The following KAT8 variants were observed in gnomAD, a reference collection of about 807,000 sequenced individuals.
The protein encoded by KAT8 is lysine acetyltransferase 8.
KAT8 carries 40 observed loss-of-function variants against 62.9 expected under a neutral mutation model. The ratio of observed to expected loss-of-function variants is 0.64; its 90% CI spans 0.49 to 0.83. The LOEUF (loss-of-function observed/expected upper bound fraction) is 0.83, where lower values mean the gene tolerates loss of function less well. Among genes scored for constraint, KAT8 ranks in the 40% least tolerant of loss-of-function variants. The pLI is 0.00. For missense variants in KAT8, 387 were observed against 614.8 expected, an observed-to-expected ratio of 0.63 and a Z score of 3.92; for synonymous variants, 278 against 254.5, an observed-to-expected ratio of 1.09 and a Z score of -0.88.
At chr16:31,128,544 CAAA>C (rs879752658) in intron 6 of KAT8, among the ~76,000 whole-genome samples, 2 of 140,958 alleles carry the variant, frequency 1.4e-5, no homozygotes, top group African/African-American at 5.2e-5. Context: ...GAATCTGTCT[CAAA>C]AAAAAAAAAG....
chr16:31,126,759 G>A (rs1436662471), intron 3 of KAT8: 2 of 443,516 alleles, frequency 4.5e-6, no homozygotes, highest in Non-Finnish European at 4.0e-6. Context: ...TGCAGCTGAA[G>A]CCCCATCCTG....
At chr16:31,118,083 C>T (rs1342600454) in intron 1 of KAT8, 191 bp downstream of exon 1, 7 of 434,758 alleles carry the variant, frequency 1.6e-5, no homozygotes, top group Non-Finnish European at 2.4e-5. Flanking sequence ...AGGCTGTTGA[C>T]CTTGAATTAT....
chr16:31,117,843 G>T lies in KAT8; in HGVS notation c.162G>T (p.Thr54=). The T allele has an allele frequency of 1.4e-6, 2 of 1,439,782 alleles. No homozygotes were observed. The highest frequency in any genetic ancestry group is 1.8e-6 in the Non-Finnish European group (2 of 1,086,878). The allele number at this position is 1,439,782 out of a possible 1,614,324, so 89.2% of individuals were successfully genotyped here. A position where few individuals can be genotyped will look rare whatever the true frequency, so the allele number is the denominator to read the frequency against. Reference sequence around the variant, plus strand: ...CGGCGCGCGGCGAGCCGGAAGTCACGGTGGAGATCGGAGAAACGTACCTGT... The same window carrying T: ...CGGCGCGCGGCGAGCCGGAAGTCACTGTGGAGATCGGAGAAACGTACCTGT... ...PTPARGEPEV[T]VEIGETYLCR... The change falls in exon 1 of 11, where the codon ACG becomes ACT. Residue 54 remains threonine (T), a synonymous_variant. Coordinates refer to ENST00000219797, the MANE Select transcript of KAT8 (RefSeq NM_032188.3).
intron 3 of KAT8, among the ~76,000 whole-genome samples, chr16:31,122,017 C>T (rs1478474066): frequency 1.3e-5 from 2 of 152,132 alleles, no homozygotes; most frequent in Non-Finnish European, 2.9e-5. Context: ...TCCCAAAGTG[C>T]TGGGATTACA....
At chr16:31,120,793 G>T (rs993621055) in intron 3 of KAT8, 1 of 375,712 alleles carries the variant, frequency 2.7e-6, no homozygotes, top group Non-Finnish European at 4.8e-6. Context: ...CCTAGTAGCT[G>T]TGTCTTAGTA....
chr16:31,120,655 C>T (rs1414566490), intron 3 of KAT8, 141 bp downstream of exon 3: 1 of 739,244 alleles, frequency 1.4e-6, no homozygotes, highest in Non-Finnish European at 2.1e-6. Flanking sequence ...TTACCTACTT[C>T]CTCTTACTTA....
intron 3 of KAT8, among the ~76,000 whole-genome samples, chr16:31,124,998 G>C (rs1246690576): frequency 6.6e-6 from 1 of 152,120 alleles, no homozygotes; most frequent in Non-Finnish European, 1.5e-5. Flanking sequence ...CATTGCTCCA[G>C]CCTGGGCAAC....
intron 3 of KAT8, chr16:31,124,129 A>G (rs527569042): frequency 2.0e-5 from 3 of 152,362 alleles, no homozygotes; most frequent in Non-Finnish European, 4.4e-5. Flanking sequence ...GAATTGGGAA[A>G]TGTGTTTTAA....
Position 31,117,789 on chromosome 16 carries a change from A to T in KAT8, c.108A>T (p.Pro36=), listed in dbSNP as rs1443609544. The T allele has an allele frequency of 3.5e-6, 5 of 1,410,906 alleles. No homozygotes were observed. Among genetic ancestry groups the T allele is most frequent in the Non-Finnish European group, 4.7e-6 (5 of 1,071,888 alleles). 87.4% of individuals were successfully genotyped at this position (1,410,906 alleles called of 1,614,324 possible). A position where few individuals can be genotyped will look rare whatever the true frequency, so the allele number is the denominator to read the frequency against. ...GENAAAEGTA[P]SPGRVSPPTP... ...ATGCGGCCGCTGAGGGGACCGCCCC[A>T]TCCCCGGGCCGCGTCTCTCCGCCGA... The change falls in exon 1 of 11, where the codon CCA becomes CCT. Residue 36 remains proline (P), a synonymous_variant. Coordinates refer to ENST00000219797, the MANE Select transcript of KAT8 (RefSeq NM_032188.3).
At chr16:31,124,731 CAAAAA>C (rs551229166) in intron 3 of KAT8, among the ~76,000 whole-genome samples, 1 of 61,076 alleles carries the variant, frequency 1.6e-5, no homozygotes, top group Non-Finnish European at 3.0e-5. Context: ...GGCTCCATTT[CAAAAA>C]AAAAAAAAAA....
intron 3 of KAT8, chr16:31,126,390 T>A (rs1377982335): frequency 6.5e-6 from 1 of 152,776 alleles, no homozygotes; most frequent in Non-Finnish European, 1.5e-5. Context: ...AGAAGTAGAC[T>A]CGACATCCAC....
chr16:31,126,666 A>G (rs1157686790), intron 3 of KAT8: 3 of 257,196 alleles, frequency 1.2e-5, no homozygotes, highest in African/African-American at 2.2e-5. Context: ...AGGTAGTAAC[A>G]GTTCTTACGC....
At chr16:31,123,993 G>C (rs895707782) in intron 3 of KAT8, 1 of 152,222 alleles carries the variant, frequency 6.6e-6, no homozygotes, top group Non-Finnish European at 1.5e-5. Context: ...CAATCATCCA[G>C]TTAACAATCA....
intron 3 of KAT8, chr16:31,126,496 TA>T: frequency 6.3e-6 from 1 of 158,964 alleles, no homozygotes; most frequent in Non-Finnish European, 1.4e-5. Context: ...ATGTTCCCAG[TA>T]AAATGAGCAA....
Position 31,117,726 on chromosome 16 carries a change from A to C in KAT8, c.45A>C (p.Ser15=). The C allele has an allele frequency of 7.2e-7, 1 of 1,380,088 alleles. No individual in the cohort carries two copies. Among genetic ancestry groups the C allele is most frequent in the Admixed American group, 3.5e-5 (1 of 28,772 alleles). 85.5% of individuals were successfully genotyped at this position (1,380,088 alleles called of 1,614,324 possible). A position where few individuals can be genotyped will look rare whatever the true frequency, so the allele number is the denominator to read the frequency against. ...GAAAAVAAGT[S]GVAGEGEPGP... is the part of the protein sequence containing the mutation. ...CTGCGGCGGTTGCGGCGGGGACTTC[A>C]GGGGTCGCGGGGGAGGGCGAGCCCG... The change falls in exon 1 of 11, where the codon TCA becomes TCC. Residue 15 remains serine (S), a synonymous_variant. Transcript: ENST00000219797.
intron 3 of KAT8, chr16:31,126,291 G>A: frequency 6.6e-6 from 1 of 152,346 alleles, no homozygotes; most frequent in South Asian, 2.1e-4. Context: ...AGGCGGCCTA[G>A]TAAATTGTCC....
At position 31,129,586 on chromosome 16, in the gene KAT8, C is replaced by T. The variant is rs140455754; in HGVS notation, c.772-431C>T. ...TGCAGCCAAGTGGACAGACAGGGCT[C>T]GAGGTTCCTCCATTCAGCAGACGTT... On this transcript the variant is annotated intron_variant, in intron 6 of 10. Transcript: ENST00000219797. Among the ~76,000 whole-genome samples, 179 of 152,256 alleles carry T rather than the reference C, an allele frequency of 1.2e-3. 2 individuals carry two copies. The East Asian group carries it at 0.025, about 22-fold the overall frequency.
intron 3 of KAT8, among the ~76,000 whole-genome samples, chr16:31,124,635 G>C (rs1201799792): frequency 2.0e-5 from 3 of 151,222 alleles, no homozygotes; most frequent in Non-Finnish European, 4.4e-5. Flanking sequence ...TGGGAGGCTG[G>C]GGCAGGAGAA....
In KAT8 at chr16:31,130,827, C is replaced by G; in HGVS notation, c.1239C>G (p.His413Gln). ...TGGTCAAGTACTGGAAGGGCCAGCACGTGATCTGTGTCACACCCAAGCTGG... is the reference window on the plus strand; with the variant it reads ...TGGTCAAGTACTGGAAGGGCCAGCAGGTGATCTGTGTCACACCCAAGCTGG... ...LNMVKYWKGQ[H>Q]VICVTPKLVE... Residue 413 changes from histidine (H) to glutamine (Q), a missense_variant, in exon 10 of 11, where the codon CAC becomes CAG. Transcript: ENST00000219797. 6.2e-7 allele frequency: 1 copy of G among 1,613,682 alleles called. No homozygotes were observed. Among genetic ancestry groups the G allele is most frequent in the Non-Finnish European group, 8.5e-7 (1 of 1,179,982 alleles).
Sources: gnomAD v4.1 joint callset for allele counts (sites outside exome capture counted in the v4.1 genomes callset) on GRCh38, gnomAD v4.1.1 for gene constraint, MANE v1.5 for transcripts, NCBI Gene and HGNC (gene_info 2026-07-23, HGNC 2026-07-21) for gene names.